The following KALRN variants were observed in gnomAD, a reference collection of about 807,000 sequenced individuals.
KALRN encodes the protein kalirin RhoGEF kinase.
Under a neutral mutation model 353.7 loss-of-function variants are expected in KALRN, and 70 were observed. The observed-to-expected ratio is 0.20, with a 90% CI of 0.16 to 0.24. The LOEUF is 0.24. Among genes scored for constraint, KALRN ranks in the 10% least tolerant of loss-of-function variants. The pLI is 1.00. For missense variants in KALRN, 2,791 were observed against 3,756.7 expected, an observed-to-expected ratio of 0.74 and a Z score of 6.72; for synonymous variants, 1,391 against 1,434.8, an observed-to-expected ratio of 0.97 and a Z score of 0.69.
chr3:124,379,951 T>TATA (rs2149881466), intron 10 of KALRN, among the ~76,000 whole-genome samples: 1 of 152,328 alleles, frequency 6.6e-6, no homozygotes, highest in East Asian at 1.9e-4. Context: ...TTCATCTCAT[T>TATA]ACGTATTGGT....
chr3:124,571,999 G>A (rs1401727334), intron 34 of KALRN, among the ~76,000 whole-genome samples: 2 of 151,608 alleles, frequency 1.3e-5, no homozygotes, highest in African/African-American at 4.8e-5. Context: ...TTTTTAATTT[G>A]GGGTGCATGA....
intron 34 of KALRN, among the ~76,000 whole-genome samples, chr3:124,573,699 G>C (rs542974310): frequency 1.5e-4 from 23 of 152,148 alleles, no homozygotes; most frequent in South Asian, 6.3e-4. Context: ...ACAACCTCCT[G>C]TCTGCACTGG....
chr3:124,247,559 CACTA>C (rs1364235917), intron 3 of KALRN, among the ~76,000 whole-genome samples: 2 of 151,998 alleles, frequency 1.3e-5, no homozygotes, highest in African/African-American at 4.8e-5. Context: ...AAAACTAAAA[CACTA>C]ACAAAAAACA....
intron 47 of KALRN, among the ~76,000 whole-genome samples, chr3:124,670,563 A>G (rs975150042): frequency 1.3e-5 from 2 of 152,212 alleles, no homozygotes; most frequent in Non-Finnish European, 2.9e-5. Context: ...TCAAGTAGAA[A>G]GGAAGTGTGA....
At chr3:124,091,179 A>G (rs895218908) in intron 1 of KALRN, among the ~76,000 whole-genome samples, 1 of 152,206 alleles carries the variant, frequency 6.6e-6, no homozygotes, top group Non-Finnish European at 1.5e-5. Context: ...TGTTTGATTC[A>G]TGTTACAACT....
chr3:124,197,504 C>T (rs2075560790), intron 1 of KALRN, among the ~76,000 whole-genome samples: 1 of 152,224 alleles, frequency 6.6e-6, no homozygotes, highest in Non-Finnish European at 1.5e-5. Flanking sequence ...ATCTTGCCTT[C>T]ATCCTCAGCC....
chr3:124,317,744 G>T (rs1433460736), intron 6 of KALRN, among the ~76,000 whole-genome samples: 1 of 150,240 alleles, frequency 6.7e-6, no homozygotes, highest in Non-Finnish European at 1.5e-5. Flanking sequence ...AAAAAGGCGG[G>T]GGCTGGGGGG....
rs2081465898 is a variant in KALRN, at chr3:124,637,308, G to T, written c.5664+5G>T. On this transcript the variant is annotated splice_donor_5th_base_variant and intron_variant, in intron 37 of 59. Transcript: ENST00000682506. ...AAGTTGGTCAAAAACAAGCTGGTAA[G>T]TGGGGGTCCTGGAGGCAGTTCTGTG... 1.2e-6 allele frequency: 2 copies of T among 1,610,138 alleles called. No individual in the cohort carries two copies. Among genetic ancestry groups the T allele is most frequent in the Non-Finnish European group, 8.5e-7 (1 of 1,176,444 alleles).
At chr3:124,649,763 G>A (rs1373178254) in intron 37 of KALRN, among the ~76,000 whole-genome samples, 1 of 151,472 alleles carries the variant, frequency 6.6e-6, no homozygotes, top group Non-Finnish European at 1.5e-5. Context: ...ACTCCAGACT[G>A]GGCAATAGAG....
chr3:124,259,109 G>A (rs764807586), intron 3 of KALRN, among the ~76,000 whole-genome samples: 4 of 152,226 alleles, frequency 2.6e-5, no homozygotes, highest in African/African-American at 4.8e-5. Flanking sequence ...AACCAACTAA[G>A]GATAGGTGAA....
rs565889648 is a variant in KALRN at position 124,531,035 on chromosome 3, C to T, written c.4936-31808C>T. Among the ~76,000 whole-genome samples, 75 of 152,208 alleles carry T rather than the reference C, an allele frequency of 4.9e-4. 1 individual carries two copies. Among genetic ancestry groups the T allele is most frequent in the Admixed American group, 1.2e-3 (18 of 15,282 alleles). ...GCAGGGGGCTCTGTTCATTATAGGC[C>T]CTCAGGGATTCTCTGGTTGACCAAC... On this transcript the variant is annotated intron_variant, in intron 33 of 59. Transcript: ENST00000682506.
chr3:124,067,521 A>G (rs2042474203), intron 1 of KALRN, among the ~76,000 whole-genome samples: 2 of 152,080 alleles, frequency 1.3e-5, no homozygotes, highest in African/African-American at 4.8e-5. Context: ...CCCCCAACAA[A>G]CAAAAAAAAA....
At chr3:124,653,354 C>T (rs1229559284) in intron 38 of KALRN, among the ~76,000 whole-genome samples, 3 of 152,186 alleles carry the variant, frequency 2.0e-5, no homozygotes, top group Non-Finnish European at 4.4e-5. Context: ...TCAACAAATA[C>T]TGGTCTAACA....
chr3:124,719,912 T>C lies in KALRN; in HGVS notation c.*442T>C, dbSNP rs2063319078. The stretch of plus-strand genomic sequence containing the variant: ...ACTATTCTGGTTTAGATAACTTAGA[T>C]ATAGTTTCTTAATAGGATAGATACC... On this transcript the variant is annotated 3_prime_UTR_variant, in exon 60 of 60. Coordinates refer to ENST00000682506, the MANE Select transcript of KALRN (RefSeq NM_001388419.1). The surrounding 1 kb of genome is among the most constrained non-coding windows in gnomAD (Gnocchi z 5.3). The C allele has an allele frequency of 5.9e-6, 1 of 169,122 alleles. No individual in the cohort carries two copies. The allele number at this position is 169,122 out of a possible 1,614,324, so 10.5% of individuals were successfully genotyped here.
At chr3:124,300,141 T>C (rs2077151860) in intron 6 of KALRN, among the ~76,000 whole-genome samples, 1 of 152,146 alleles carries the variant, frequency 6.6e-6, no homozygotes, top group South Asian at 2.1e-4. Context: ...TGCACTAGAG[T>C]TAACACACTG....
chr3:124,513,929 G>T (rs1366508500), intron 33 of KALRN, among the ~76,000 whole-genome samples: 2 of 152,116 alleles, frequency 1.3e-5, no homozygotes, highest in Non-Finnish European at 2.9e-5. Context: ...GAAGAGCCCT[G>T]GGGTCAACAT....
At chr3:124,629,798 TTCTCTCTCTCTCTCTG>T (rs1561468725) in intron 34 of KALRN, among the ~76,000 whole-genome samples, 2 of 79,872 alleles carry the variant, frequency 2.5e-5, no homozygotes, top group Non-Finnish European at 4.8e-5. Context: ...TTTTCATTTT[TTCTCTCTCTCTCTCTG>T]TCTCTCTCTC....
chr3:124,233,767 A>G (rs746215315), intron 2 of KALRN, among the ~76,000 whole-genome samples: 21 of 151,614 alleles, frequency 1.4e-4, no homozygotes, highest in Non-Finnish European at 2.7e-4. Context: ...GCACCTCTCC[A>G]CTCTCTTTCA....
At chr3:124,421,518 G>C (rs2092781438) in intron 14 of KALRN, among the ~76,000 whole-genome samples, 1 of 152,216 alleles carries the variant, frequency 6.6e-6, no homozygotes, top group African/African-American at 2.4e-5. Context: ...AGCTTATGAG[G>C]TAGGTAGGTA....
Sources: gnomAD v4.1 joint callset for allele counts (sites outside exome capture counted in the v4.1 genomes callset) on GRCh38, gnomAD v4.1.1 for gene constraint, Gnocchi (gnomAD v3.1) non-coding constraint, MANE v1.5 for transcripts, NCBI Gene and HGNC (gene_info 2026-07-23, HGNC 2026-07-21) for gene names.